The following ACSL5 variants were observed in gnomAD, a reference collection of about 807,000 sequenced individuals.
ACSL5 encodes acyl-CoA synthetase long chain family member 5, also known as long-chain-fatty-acid--CoA ligase 5.
ACSL5 carries 50 observed loss-of-function variants against 84.9 expected under a neutral mutation model. The observed-to-expected ratio is 0.59, with a 90% confidence interval of 0.47 to 0.75. The LOEUF is 0.75. Among genes scored for constraint, ACSL5 ranks in the 30% least tolerant of loss-of-function variants. The pLI is 0.00. For synonymous variants in ACSL5, 280 were observed against 300.7 expected, an observed-to-expected ratio of 0.93 and a Z score of 0.71; for missense variants, 775 against 830.4, an observed-to-expected ratio of 0.93 and a Z score of 0.82.
intron 5 of ACSL5, 124 bp from the exon 6 acceptor site, chr10:112,408,298 C>CA (rs369014571): frequency 0.22 from 100,619 of 459,874 alleles, 4,884 homozygotes; most frequent in African/African-American, 0.34. Flanking sequence ...GGCACTGTCT[C>CA]AAAAAAAAAA....
rs148776040 is a variant in ACSL5 at position 112,375,794 on chromosome 10, G to C, written c.-30+1525G>C. On this transcript the variant is annotated intron_variant, in intron 1 of 20. Coordinates refer to ENST00000354655, the MANE Select transcript of ACSL5 (RefSeq NM_203379.2). ...CTCACAGCCCTGTCGTTCCTGACTT[G>C]CTTATTTTCTTGGCTTTGCCAGAAC... Among the ~76,000 whole-genome samples the C allele has an allele frequency of 1.6e-3, 251 of 152,322 alleles. 2 individuals carry two copies. The highest frequency in any genetic ancestry group is 5.7e-3 in the African/African-American group (237 of 41,576).
rs556344307 is a variant in ACSL5, at chr10:112,417,274, G to A, written c.1218+252G>A. ...TCCCAGCACTTTGGGAGGCCTAGGT[G>A]GGTAGATCACCTGAGGTCAGGCATT... On this transcript the variant is annotated intron_variant, in intron 13 of 20. Transcript: ENST00000354655. Among the ~76,000 whole-genome samples the A allele has an allele frequency of 4.6e-5, 7 of 150,920 alleles. 1 individual carries two copies. The South Asian group carries it at 6.3e-4, about 14-fold the overall frequency.
intron 9 of ACSL5, 128 bp downstream of exon 9, chr10:112,410,763 G>T (rs1211903003): frequency 1.1e-6 from 1 of 904,398 alleles, no homozygotes; most frequent in South Asian, 1.7e-5. Context: ...ACAGCCTAAG[G>T]CTTCTAAGTG....
rs572088591 is a variant in ACSL5 at position 112,382,407 on chromosome 10, T to A, written c.-30+8138T>A. 3.9e-5 allele frequency among the ~76,000 whole-genome samples: 6 copies of A among 152,326 alleles called. No individual in the cohort carries two copies. In the East Asian group the frequency reaches 1.2e-3, roughly 29 times the overall value. On this transcript the variant is annotated intron_variant, in intron 1 of 20. Coordinates refer to ENST00000354655, the MANE Select transcript of ACSL5 (RefSeq NM_203379.2). The stretch of plus-strand genomic sequence containing the variant: ...GTGAAGGTGGCTTGGTAACAGCAGC[T>A]TCCCACTGTGTCTCAGGTGCCATGC...
chr10:112,417,750 T>G (rs1383135390), intron 13 of ACSL5, 96 bp from the exon 14 acceptor site: 1 of 928,660 alleles, frequency 1.1e-6, no homozygotes, highest in African/African-American at 1.6e-5. Flanking sequence ...TTAATTCTCA[T>G]AACAACGCTG....
chr10:112,423,354 AGTCT>A (rs2133672991), intron 17 of ACSL5, among the ~76,000 whole-genome samples: 1 of 148,716 alleles, frequency 6.7e-6, no homozygotes, highest in African/African-American at 2.5e-5. Flanking sequence ...AAAGCTAGAA[AGTCT>A]TTCTTAAAAA....
At chr10:112,397,940 A>G (rs1383253893) in intron 2 of ACSL5, among the ~76,000 whole-genome samples, 5 of 152,230 alleles carry the variant, frequency 3.3e-5, no homozygotes, top group Non-Finnish European at 5.9e-5. Flanking sequence ...ATAAAACTAT[A>G]CATATCATCT....
intron 1 of ACSL5, among the ~76,000 whole-genome samples, chr10:112,394,331 T>C (rs1843700665): frequency 6.6e-6 from 1 of 152,240 alleles, no homozygotes; most frequent in Non-Finnish European, 1.5e-5. Context: ...CAAGTTGTAA[T>C]GCTGTTGATC....
chr10:112,403,389 C>T (rs1407675686), intron 3 of ACSL5, among the ~76,000 whole-genome samples: 1 of 152,212 alleles, frequency 6.6e-6, no homozygotes, highest in Non-Finnish European at 1.5e-5. Flanking sequence ...CCGGGTGAAG[C>T]AATTCTCCTG....
chr10:112,380,935 T>A (rs1184815698), intron 1 of ACSL5, among the ~76,000 whole-genome samples: 1 of 151,954 alleles, frequency 6.6e-6, no homozygotes, highest in Non-Finnish European at 1.5e-5. Flanking sequence ...CATGCCCAAC[T>A]AAATTTTTTA....
Position 112,426,144 on chromosome 10 carries a change from A to C in ACSL5, c.1738-114A>C, listed in dbSNP as rs1354679678. 1.1e-5 allele frequency: 9 copies of C among 791,726 alleles called. No homozygotes were observed. The Admixed American group carries it at 2.2e-4, about 19-fold the overall frequency. 49.0% of individuals were successfully genotyped at this position (791,726 alleles called of 1,614,324 possible). ...AGAAAAGAACACTAGTACTGGATTT[A>C]AGGTTTTGGGGAAATAACTATTACA... is the stretch of plus-strand genomic sequence containing the variant. On this transcript the variant is annotated intron_variant, in intron 18 of 20. Coordinates refer to ENST00000354655, the MANE Select transcript of ACSL5 (RefSeq NM_203379.2).
chr10:112,396,351 G>A (rs1843745428), intron 2 of ACSL5: 1 of 152,162 alleles, frequency 6.6e-6, no homozygotes, highest in Non-Finnish European at 1.5e-5. Context: ...GGCAGTAAAT[G>A]GCATAGAATT....
At position 112,421,525 on chromosome 10, in the gene ACSL5, G is replaced by T; in HGVS notation, c.1315-68G>T. On this transcript the variant is annotated intron_variant, in intron 14 of 20. Coordinates refer to ENST00000354655, the MANE Select transcript of ACSL5 (RefSeq NM_203379.2). Reference sequence around the variant, plus strand: ...AGAGACCTTGCTTTCCTCGTGTCTTGACCATAGCACGTGGCCAGCTCACAC... The same window carrying T: ...AGAGACCTTGCTTTCCTCGTGTCTTTACCATAGCACGTGGCCAGCTCACAC... The T allele has an allele frequency of 2.8e-6, 4 of 1,419,358 alleles. No individual in the cohort carries two copies. In the South Asian group the frequency reaches 4.6e-5, roughly 16 times the overall value. 87.9% of individuals were successfully genotyped at this position (1,419,358 alleles called of 1,614,324 possible). A position where few individuals can be genotyped will look rare whatever the true frequency, so the allele number is the denominator to read the frequency against.
intron 14 of ACSL5, among the ~76,000 whole-genome samples, chr10:112,420,596 A>G (rs1844433215): frequency 6.6e-6 from 1 of 152,152 alleles, no homozygotes; most frequent in Non-Finnish European, 1.5e-5. Context: ...CCCCTTCTTC[A>G]GTTCCTTCAG....
chr10:112,401,083 G>A (rs752493156), intron 3 of ACSL5, among the ~76,000 whole-genome samples: 1 of 152,114 alleles, frequency 6.6e-6, no homozygotes, highest in Non-Finnish European at 1.5e-5. Flanking sequence ...CAGGCATGGT[G>A]GTGGTGCCTG....
chr10:112,380,126 G>A (rs943382350), intron 1 of ACSL5, among the ~76,000 whole-genome samples: 6 of 152,134 alleles, frequency 3.9e-5, no homozygotes, highest in African/African-American at 7.2e-5. Context: ...TCCCGGGGTC[G>A]GGATTTGGAC....
chr10:112,387,150 T>C (rs1279106382), intron 1 of ACSL5, among the ~76,000 whole-genome samples: 2 of 152,232 alleles, frequency 1.3e-5, no homozygotes, highest in Non-Finnish European at 2.9e-5. Flanking sequence ...CTGGGCTTTT[T>C]CCATATGATG....
intron 10 of ACSL5, 115 bp from the exon 11 acceptor site, chr10:112,411,787 C>G: frequency 1.0e-6 from 1 of 997,478 alleles, no homozygotes; most frequent in Non-Finnish European, 1.6e-6. Context: ...CACAGTGTAC[C>G]GCCTATACAG....
intron 12 of ACSL5, among the ~76,000 whole-genome samples, chr10:112,415,829 G>A (rs1464840957): frequency 6.6e-6 from 1 of 152,182 alleles, no homozygotes; most frequent in African/African-American, 2.4e-5. Flanking sequence ...CAGTAGGGTG[G>A]AATCTTGAAA....
Sources: allele counts gnomAD v4.1 joint callset (sites outside exome capture counted in the v4.1 genomes callset), GRCh38; gene constraint gnomAD v4.1.1; transcripts MANE v1.5; gene names NCBI Gene and HGNC (gene_info 2026-07-23, HGNC 2026-07-21).